Variants in BTBD9 observed in about 807,000 individuals in gnomAD.
BTBD9 encodes the protein BTB/POZ domain-containing protein 9.
Under a neutral mutation model 64.3 loss-of-function variants are expected in BTBD9, and 49 were observed. The ratio of observed to expected loss-of-function variants is 0.76; its 90% CI spans 0.61 to 0.97. The LOEUF (loss-of-function observed/expected upper bound fraction) is 0.97, where lower values mean the gene tolerates loss of function less well. Ranked by LOEUF, BTBD9 falls within the 50% of genes least tolerant of loss-of-function variation. The probability of loss-of-function intolerance (pLI) is 0.00; values close to 1 mark genes in which losing one functional copy is unlikely to be tolerated. For synonymous variants in BTBD9, 260 were observed against 274.7 expected (o/e 0.95, Z 0.53); for missense variants, 598 against 762.1 (o/e 0.78, Z 2.53).
intron 9 of BTBD9, chr6:38,193,807 G>T (rs561352333): frequency 1.0e-6 from 1 of 985,128 alleles, no homozygotes; most frequent in Non-Finnish European, 1.2e-6. Flanking sequence ...ATATGTATTT[G>T]CAGTTTGTTT....
chr6:38,299,121 C>G (rs1179662834), intron 7 of BTBD9, among the ~76,000 whole-genome samples: 8 of 152,014 alleles, frequency 5.3e-5, no homozygotes, highest in Non-Finnish European at 1.0e-4. Flanking sequence ...GTTTTTTGTC[C>G]TTGCGATAGT....
Position 38,195,703 on chromosome 6 carries a change from GTAT to G in BTBD9, c.1563-3109_1563-3107del, listed in dbSNP as rs1289334144. ...TTTAAATATGTATCTATACACATACGTATTATTTTTAAATTTTTAATTATTTTT... is the reference window on the plus strand; with the variant it reads ...TTTAAATATGTATCTATACACATACGTATTTTTAAATTTTTAATTATTTTT... On this transcript the variant is annotated intron_variant, in intron 9 of 10. Transcript: ENST00000481247. 4.3e-4 allele frequency among the ~76,000 whole-genome samples: 66 copies of G among 151,826 alleles called. No homozygotes were observed. In the East Asian group the frequency reaches 0.012, roughly 27 times the overall value.
At chr6:38,267,342 CA>C (rs1765046546) in intron 8 of BTBD9, among the ~76,000 whole-genome samples, 1 of 152,240 alleles carries the variant, frequency 6.6e-6, no homozygotes, top group Non-Finnish European at 1.5e-5. Flanking sequence ...TTAAAGAGCT[CA>C]AAATGTACTA....
chr6:38,338,855 A>T (rs973030893), intron 7 of BTBD9, among the ~76,000 whole-genome samples: 1 of 152,220 alleles, frequency 6.6e-6, no homozygotes, highest in Non-Finnish European at 1.5e-5. Context: ...GCCCTTAAAC[A>T]TATGAAAAGA....
intron 6 of BTBD9, among the ~76,000 whole-genome samples, chr6:38,479,101 T>A (rs4236059): frequency 2.0e-5 from 3 of 152,122 alleles, no homozygotes; most frequent in African/African-American, 4.8e-5. Flanking sequence ...AAATGGAAAC[T>A]ACAAGAACGC....
rs1761747796 is a variant in BTBD9, at chr6:38,184,841, G to A, written c.1641+7678C>T. On this transcript the variant is annotated intron_variant, in intron 10 of 10. Transcript: ENST00000481247. The surrounding 1 kb of genome is among the most constrained non-coding windows in gnomAD (Gnocchi z 4.4). ...GAGCCACATGTTGCTATGGGAACGA[G>A]GGTGGCATGGGAGCCCAGAGCCACT... is the stretch of plus-strand genomic sequence containing the variant. 6.6e-6 allele frequency among the ~76,000 whole-genome samples: 1 copy of A among 152,152 alleles called. No individual in the cohort carries two copies. Among genetic ancestry groups the A allele is most frequent in the South Asian group, 2.1e-4 (1 of 4,824 alleles).
In BTBD9 at chr6:38,439,707, G is replaced by A. The variant is rs147384821; in HGVS notation, c.1155-94614C>T. On this transcript the variant is annotated intron_variant, in intron 6 of 10. Transcript: ENST00000481247. ...CTCCCAAAGTGCTGAGATTACAGGC[G>A]TGAGCCACCACACCTGGCCGCAACT... Among the ~76,000 whole-genome samples, 167 of 152,242 alleles carry A rather than the reference G, an allele frequency of 1.1e-3. 1 individual carries two copies. Among genetic ancestry groups the A allele is most frequent in the African/African-American group, 3.8e-3 (158 of 41,546 alleles).
At chr6:38,203,798 A>G (rs950372720) in intron 9 of BTBD9, among the ~76,000 whole-genome samples, 2 of 152,112 alleles carry the variant, frequency 1.3e-5, no homozygotes, top group African/African-American at 4.8e-5. Flanking sequence ...AATAGGTAGG[A>G]ATTTACAGTT....
chr6:38,367,789 C>T (rs1765236146), intron 6 of BTBD9, among the ~76,000 whole-genome samples: 1 of 104,408 alleles, frequency 9.6e-6, no homozygotes, highest in African/African-American at 4.0e-5. Flanking sequence ...GAGTGTTGCA[C>T]CAGAAATGGC....
At chr6:38,581,132 C>T (rs760399509) in intron 4 of BTBD9, among the ~76,000 whole-genome samples, 2 of 152,172 alleles carry the variant, frequency 1.3e-5, no homozygotes, top group Non-Finnish European at 2.9e-5. Flanking sequence ...GCAGAGGATG[C>T]GATGAGCTGA....
chr6:38,373,319 T>C (rs1032413721), intron 6 of BTBD9, among the ~76,000 whole-genome samples: 3 of 152,214 alleles, frequency 2.0e-5, no homozygotes, highest in Admixed American at 6.5e-5. Flanking sequence ...TATTATTCTG[T>C]GCACGATCTA....
intron 6 of BTBD9, among the ~76,000 whole-genome samples, chr6:38,408,571 T>C (rs1300524665): frequency 6.6e-6 from 1 of 152,170 alleles, no homozygotes; most frequent in African/African-American, 2.4e-5. Flanking sequence ...CCTTACATCA[T>C]GAGATATAGT....
At position 38,374,414 on chromosome 6, in the gene BTBD9, TA is replaced by T. The variant is rs1360685463; in HGVS notation, c.1155-29322del. Among the ~76,000 whole-genome samples, 4 of 147,350 alleles carry T rather than the reference TA, an allele frequency of 2.7e-5. No homozygotes were observed. The Admixed American group carries it at 2.7e-4, about 10-fold the overall frequency. ...TCTGTAAACTTCAGAGGTACATTAA[TA>T]TTCAGAAATTTCTAAAGAATCACAT... On this transcript the variant is annotated intron_variant, in intron 6 of 10. Coordinates refer to ENST00000481247, the MANE Select transcript of BTBD9 (RefSeq NM_001099272.2).
intron 6 of BTBD9, among the ~76,000 whole-genome samples, chr6:38,490,604 G>C (rs1771663547): frequency 6.6e-6 from 1 of 152,192 alleles, no homozygotes; most frequent in Non-Finnish European, 1.5e-5. Flanking sequence ...ACAGGTGTGA[G>C]TCACTGTGCC....
intron 6 of BTBD9, among the ~76,000 whole-genome samples, chr6:38,557,271 G>A (rs1030628749): frequency 3.9e-5 from 6 of 152,038 alleles, no homozygotes; most frequent in South Asian, 2.1e-4. Context: ...ACTTCACCCC[G>A]GAGGCAGAGG....
chr6:38,610,832 C>T (rs931544748), intron 1 of BTBD9, among the ~76,000 whole-genome samples: 1 of 151,422 alleles, frequency 6.6e-6, no homozygotes, highest in South Asian at 2.1e-4. Context: ...TTTAAAAATA[C>T]ATTTCCTATG....
In BTBD9 at chr6:38,171,994, T is replaced by C. The variant is rs944311793; in HGVS notation, c.*2991A>G. On this transcript the variant is annotated 3_prime_UTR_variant, in exon 11 of 11. Coordinates refer to ENST00000481247, the MANE Select transcript of BTBD9 (RefSeq NM_001099272.2). The stretch of plus-strand genomic sequence containing the variant: ...CCATGGCGCCCTTGTGTCCTTTCCA[T>C]TGGTTACTGAGGACCATTGCCCTCA... 3 of 151,974 alleles carry C rather than the reference T, an allele frequency of 2.0e-5. No homozygotes were observed. The highest frequency in any genetic ancestry group is 2.9e-5 in the Non-Finnish European group (2 of 68,020). 9.4% of individuals were successfully genotyped at this position (151,974 alleles called of 1,614,324 possible). A position where few individuals can be genotyped will look rare whatever the true frequency, so the allele number is the denominator to read the frequency against.
intron 6 of BTBD9, among the ~76,000 whole-genome samples, chr6:38,414,328 T>C (rs574155347): frequency 1.6e-4 from 24 of 152,316 alleles, no homozygotes; most frequent in African/African-American, 4.1e-4. Context: ...CTCATTCTTA[T>C]AGCTGTCTTT....
chr6:38,358,766 G>GA (rs1192698324), intron 6 of BTBD9, among the ~76,000 whole-genome samples: 2 of 142,466 alleles, frequency 1.4e-5, no homozygotes, highest in Non-Finnish European at 3.1e-5. Flanking sequence ...AATGGATTGT[G>GA]ACCTTTTTTT....
Sources: gnomAD v4.1 joint callset for allele counts (sites outside exome capture counted in the v4.1 genomes callset) on GRCh38, gnomAD v4.1.1 for gene constraint, Gnocchi (gnomAD v3.1) non-coding constraint, MANE v1.5 for transcripts, NCBI Gene and HGNC (gene_info 2026-07-23, HGNC 2026-07-21) for gene names.